GRID2: variants seen among roughly 807,000 people sequenced by gnomAD.
GRID2 encodes glutamate ionotropic receptor delta type subunit 2, also known as glutamate receptor ionotropic, delta-2.
In GRID2, 33 loss-of-function variants were observed where a neutral mutation model predicts 114.8. That is an observed-to-expected ratio of 0.29 (90% CI 0.22 to 0.38). GRID2 has a LOEUF of 0.38. Ranked by LOEUF, GRID2 falls within the 10% of genes least tolerant of loss-of-function variation. The pLI, the probability that GRID2 is intolerant of heterozygous loss-of-function variation, is 1.00. For missense variants in GRID2, 1,184 were observed against 1,257.7 expected (o/e 0.94, Z 0.89); for synonymous variants, 505 against 449.9 (o/e 1.12, Z -1.55).
At chr4:93,669,881 G>T (rs888534875) in intron 14 of GRID2, among the ~76,000 whole-genome samples, 1 of 152,088 alleles carries the variant, frequency 6.6e-6, no homozygotes, top group Non-Finnish European at 1.5e-5. Flanking sequence ...AAAATTTGAA[G>T]ATGATCTGGA....
intron 1 of GRID2, among the ~76,000 whole-genome samples, chr4:92,397,407 T>C (rs1358326373): frequency 6.7e-6 from 1 of 149,206 alleles, no homozygotes; most frequent in Non-Finnish European, 1.5e-5. Flanking sequence ...GAAGAAATAA[T>C]GGAGGAGGAG....
chr4:93,714,635 A>G (rs1348645046), intron 14 of GRID2, among the ~76,000 whole-genome samples: 1 of 152,130 alleles, frequency 6.6e-6, no homozygotes, highest in Non-Finnish European at 1.5e-5. Context: ...GACTGGTGTG[A>G]GTTGGTATCT....
chr4:93,199,758 G>A (rs1487516089), intron 4 of GRID2, among the ~76,000 whole-genome samples: 1 of 152,174 alleles, frequency 6.6e-6, no homozygotes, highest in East Asian at 1.9e-4. Context: ...CAGTGTTGGC[G>A]TGAGGGATTA....
intron 1 of GRID2, among the ~76,000 whole-genome samples, chr4:92,411,655 G>GTGTGTGTGTGTGTATATATATATATA: frequency 4.7e-5 from 4 of 84,724 alleles, no homozygotes; most frequent in African/African-American, 2.3e-4. Context: ...GTGTGTGTGT[G>GTGTGTGTGTGTGTATATATATATATA]TATATATATA....
At chr4:92,615,725 T>C (rs575963935) in intron 2 of GRID2, among the ~76,000 whole-genome samples, 1 of 151,772 alleles carries the variant, frequency 6.6e-6, no homozygotes, top group East Asian at 1.9e-4. Flanking sequence ...GTTAAATATA[T>C]AAATTGAAAT....
chr4:92,972,840 A>G (rs1344204232), intron 2 of GRID2, among the ~76,000 whole-genome samples: 8 of 151,990 alleles, frequency 5.3e-5, no homozygotes, highest in Non-Finnish European at 4.4e-5. Flanking sequence ...CCCCACTTAT[A>G]AGTGATAACA....
At position 93,205,301 on chromosome 4, in the gene GRID2, A is replaced by G. The variant is rs562515255; in HGVS notation, c.736-2103A>G. ...AGTTTCACCTATAAGTGGAGTATAC[A>G]TATATTTCAAAAATGATAATAATAG... On this transcript the variant is annotated intron_variant, in intron 4 of 15. Coordinates refer to ENST00000282020, the MANE Select transcript of GRID2 (RefSeq NM_001510.4). Among the ~76,000 whole-genome samples the G allele has an allele frequency of 1.1e-4, 16 of 152,138 alleles. No individual in the cohort carries two copies. In the South Asian group the frequency reaches 1.4e-3, roughly 14 times the overall value.
intron 14 of GRID2, among the ~76,000 whole-genome samples, chr4:93,730,060 T>C (rs1007759464): frequency 1.1e-4 from 17 of 152,180 alleles, no homozygotes; most frequent in Admixed American, 2.6e-4. Flanking sequence ...AATGCATGAA[T>C]ACATAAATAA....
intron 8 of GRID2, among the ~76,000 whole-genome samples, chr4:93,293,985 G>T (rs1382699205): frequency 6.6e-6 from 1 of 152,164 alleles, no homozygotes; most frequent in Non-Finnish European, 1.5e-5. Flanking sequence ...ATTATGCTGT[G>T]GGGAGAAGTA....
chr4:93,157,152 A>C (rs943427793), intron 4 of GRID2, among the ~76,000 whole-genome samples: 3 of 151,678 alleles, frequency 2.0e-5, no homozygotes, highest in African/African-American at 7.3e-5. Context: ...GTTCTCAGTA[A>C]GAAGAAAATG....
chr4:93,116,727 T>C (rs529775991), intron 4 of GRID2, among the ~76,000 whole-genome samples: 38 of 151,840 alleles, frequency 2.5e-4, no homozygotes, highest in African/African-American at 8.7e-4. Context: ...GGAAATATCT[T>C]GAAGTAACTT....
intron 2 of GRID2, among the ~76,000 whole-genome samples, chr4:92,606,886 AAGG>A (rs1291808767): frequency 5.3e-5 from 8 of 152,038 alleles, no homozygotes; most frequent in African/African-American, 1.7e-4. Context: ...AAAACACAGT[AAGG>A]GTGCCTCACA....
intron 2 of GRID2, among the ~76,000 whole-genome samples, chr4:92,672,101 T>A (rs757359145): frequency 6.6e-6 from 1 of 152,318 alleles, no homozygotes; most frequent in East Asian, 1.9e-4. Context: ...TTATTGATTT[T>A]GTTTTTATCA....
intron 9 of GRID2, among the ~76,000 whole-genome samples, chr4:93,404,388 G>A (rs7688091): frequency 0.19 from 28,389 of 151,962 alleles, 4,485 homozygotes; most frequent in African/African-American, 0.43. Context: ...TGTATATTAT[G>A]TAAATTATAT....
chr4:92,386,186 G>T (rs971131334), intron 1 of GRID2, among the ~76,000 whole-genome samples: 1 of 151,522 alleles, frequency 6.6e-6, no homozygotes, highest in Non-Finnish European at 1.5e-5. Flanking sequence ...AAAGTTTAAA[G>T]CTAATTAGGA....
At chr4:93,056,460 A>G (rs1434109298) in intron 2 of GRID2, among the ~76,000 whole-genome samples, 1 of 151,926 alleles carries the variant, frequency 6.6e-6, no homozygotes, top group South Asian at 2.1e-4. Context: ...TTAATGCTGC[A>G]TAGACTAGAA....
chr4:93,554,382 C>T (rs1244848295), intron 13 of GRID2, among the ~76,000 whole-genome samples: 2 of 151,922 alleles, frequency 1.3e-5, no homozygotes, highest in Non-Finnish European at 1.5e-5. Context: ...TCTTCTTTTC[C>T]CTCTGTCCTT....
chr4:92,979,896 A>G (rs1754086995), intron 2 of GRID2, among the ~76,000 whole-genome samples: 1 of 152,178 alleles, frequency 6.6e-6, no homozygotes, highest in Non-Finnish European at 1.5e-5. Flanking sequence ...AGTCTCTTGT[A>G]TGGTACTTAG....
chr4:93,599,185 G>A (rs1017713901), intron 13 of GRID2, among the ~76,000 whole-genome samples: 3 of 152,310 alleles, frequency 2.0e-5, no homozygotes, highest in South Asian at 2.1e-4. Flanking sequence ...GTTGTTGGAT[G>A]GACTTGAATG....
Sources: gnomAD v4.1 joint callset for allele counts (sites outside exome capture counted in the v4.1 genomes callset) on GRCh38, gnomAD v4.1.1 for gene constraint, MANE v1.5 for transcripts, NCBI Gene and HGNC (gene_info 2026-07-23, HGNC 2026-07-21) for gene names.